The following EYA1 variants were observed in gnomAD, a reference collection of about 807,000 sequenced individuals.
EYA1 encodes protein phosphatase EYA1.
A neutral mutation model predicts 82.0 loss-of-function variants in EYA1; 16 were observed. That is an observed-to-expected ratio of 0.20 (90% CI 0.13 to 0.30). The LOEUF is 0.30. EYA1 is among the 10% of genes least tolerant of loss of function. EYA1 has a pLI of 1.00. For synonymous variants in EYA1, 261 were observed against 264.4 expected, an observed-to-expected ratio of 0.99 and a Z score of 0.12; for missense variants, 633 against 730.7, an observed-to-expected ratio of 0.87 and a Z score of 1.54.
intron 2 of EYA1, among the ~76,000 whole-genome samples, chr8:71,463,138 C>T (rs2129192048): frequency 6.6e-6 from 1 of 152,140 alleles, no homozygotes; most frequent in East Asian, 1.9e-4. Context: ...GTGTACAGAA[C>T]ATCTCAATTT....
chr8:71,390,869 A>G (rs1229534681), intron 2 of EYA1, among the ~76,000 whole-genome samples: 1 of 152,016 alleles, frequency 6.6e-6, no homozygotes, highest in Non-Finnish European at 1.5e-5. Context: ...ATCTATTTCA[A>G]GTTCACTCAC....
intron 11 of EYA1, among the ~76,000 whole-genome samples, chr8:71,248,737 A>G (rs1354550256): frequency 6.6e-6 from 1 of 152,178 alleles, no homozygotes; most frequent in Non-Finnish European, 1.5e-5. Context: ...GTTAGATTTT[A>G]TTTTCCTATT....
At chr8:71,489,954 C>T (rs1370573097) in intron 2 of EYA1, among the ~76,000 whole-genome samples, 1 of 152,120 alleles carries the variant, frequency 6.6e-6, no homozygotes, top group Non-Finnish European at 1.5e-5. Context: ...CTGCAGGATC[C>T]AGGCCTTTGT....
At chr8:71,237,818 A>G (rs542456599) in intron 12 of EYA1, among the ~76,000 whole-genome samples, 129 of 152,340 alleles carry the variant, frequency 8.5e-4, no homozygotes, top group African/African-American at 3.0e-3. Context: ...TTCCTCAAAT[A>G]TTAGTTTTTA....
At position 71,375,815 on chromosome 8, in the gene EYA1, G is replaced by A. The variant is rs533886336; in HGVS notation, c.34-19304C>T. The stretch of plus-strand genomic sequence containing the variant: ...AGATAATTTTTGTATTTTTAGTAGA[G>A]ACAGGGTTTCACCATCTTGGCCAGG... On this transcript the variant is annotated intron_variant, in intron 2 of 18. Transcript: ENST00000643681. Among the ~76,000 whole-genome samples the A allele has an allele frequency of 1.4e-4, 21 of 152,132 alleles. 1 individual carries two copies. The South Asian group carries it at 4.4e-3, about 32-fold the overall frequency.
At chr8:71,379,850 T>A (rs1042042293) in intron 2 of EYA1, among the ~76,000 whole-genome samples, 1 of 152,184 alleles carries the variant, frequency 6.6e-6, no homozygotes, top group Non-Finnish European at 1.5e-5. Context: ...TTCTCACATT[T>A]CAAAAAGCAT....
chr8:71,511,339 G>A (rs1052312998), intron 2 of EYA1, among the ~76,000 whole-genome samples: 3 of 152,194 alleles, frequency 2.0e-5, no homozygotes, highest in Non-Finnish European at 4.4e-5. Flanking sequence ...TCCAAAGGAA[G>A]CTAAAACTCA....
At chr8:71,338,709 T>A (rs1278665449) in intron 3 of EYA1, among the ~76,000 whole-genome samples, 2 of 152,200 alleles carry the variant, frequency 1.3e-5, no homozygotes, top group Non-Finnish European at 2.9e-5. Context: ...AAGTGGGCTG[T>A]TTTAATAAAG....
intron 4 of EYA1, among the ~76,000 whole-genome samples, chr8:71,322,741 C>T (rs1053498585): frequency 1.3e-5 from 2 of 152,158 alleles, no homozygotes; most frequent in Non-Finnish European, 2.9e-5. Flanking sequence ...CTAATCTTCT[C>T]TCGGGTGAGA....
At chr8:71,334,483 A>G (rs1326932775) in intron 3 of EYA1, among the ~76,000 whole-genome samples, 1 of 152,216 alleles carries the variant, frequency 6.6e-6, no homozygotes, top group African/African-American at 2.4e-5. Context: ...CAAAATCTAC[A>G]TGATGTGATA....
At chr8:71,489,133 G>A (rs1314496405) in intron 2 of EYA1, among the ~76,000 whole-genome samples, 2 of 152,162 alleles carry the variant, frequency 1.3e-5, no homozygotes, top group Admixed American at 6.5e-5. Flanking sequence ...TGTTAATCCT[G>A]TAACTGAACT....
At chr8:71,294,953 G>T (rs1248170262) in intron 9 of EYA1, among the ~76,000 whole-genome samples, 2 of 152,148 alleles carry the variant, frequency 1.3e-5, no homozygotes, top group African/African-American at 4.8e-5. Context: ...CAGTCAAGTG[G>T]TCTTTGACAA....
intron 2 of EYA1, among the ~76,000 whole-genome samples, chr8:71,370,575 A>G (rs1828022787): frequency 6.6e-6 from 1 of 151,798 alleles, no homozygotes. Flanking sequence ...CAAATCCCCA[A>G]GAATGAAGAA....
intron 1 of EYA1, among the ~76,000 whole-genome samples, chr8:71,540,851 G>C (rs1815082306): frequency 1.3e-5 from 2 of 152,122 alleles, no homozygotes; most frequent in African/African-American, 4.8e-5. Flanking sequence ...GGAAACTAGT[G>C]ACTGAACATT....
intron 7 of EYA1, among the ~76,000 whole-genome samples, chr8:71,317,011 G>A (rs1478460649): frequency 6.6e-6 from 1 of 152,106 alleles, no homozygotes; most frequent in Non-Finnish European, 1.5e-5. Flanking sequence ...ATTCTTACAA[G>A]CATTTTCTTA....
At chr8:71,362,206 A>T (rs1164543121), upstream of EYA1, 1 of 904,654 alleles carries the variant, frequency 1.1e-6, no homozygotes, top group Non-Finnish European at 1.3e-6. Context: ...AACCACAGCT[A>T]TTCTCTTGTC....
intron 2 of EYA1, among the ~76,000 whole-genome samples, chr8:71,405,464 T>A (rs1830169015): frequency 6.6e-6 from 1 of 152,242 alleles, no homozygotes; most frequent in Non-Finnish European, 1.5e-5. Context: ...GCAATTGTTA[T>A]TACACTTCAT....
intron 9 of EYA1, among the ~76,000 whole-genome samples, chr8:71,298,484 T>C (rs1311420445): frequency 1.3e-5 from 2 of 152,076 alleles, no homozygotes; most frequent in African/African-American, 4.8e-5. Flanking sequence ...TGTAGGAAGA[T>C]TTCCACATGG....
At chr8:71,416,994 T>C (rs943486571) in intron 2 of EYA1, among the ~76,000 whole-genome samples, 1 of 152,186 alleles carries the variant, frequency 6.6e-6, no homozygotes, top group Non-Finnish European at 1.5e-5. Flanking sequence ...TCTAATCAGC[T>C]GCCACCACTT....
Sources: allele counts gnomAD v4.1 joint callset (sites outside exome capture counted in the v4.1 genomes callset), GRCh38; gene constraint gnomAD v4.1.1; transcripts MANE v1.5; gene names NCBI Gene and HGNC (gene_info 2026-07-23, HGNC 2026-07-21).